Variants in ANO10 observed in about 807,000 individuals in gnomAD.
ANO10 encodes the protein anoctamin 10.
ANO10 carries 77 observed loss-of-function variants against 74.7 expected under a neutral mutation model. The observed-to-expected ratio is 1.03, with a 90% confidence interval of 0.86 to 1.25. The LOEUF is 1.25. Among genes scored for constraint, ANO10 ranks in the 50% most tolerant of loss-of-function variants. The pLI is 0.00. For missense variants in ANO10, 721 were observed against 778.1 expected (o/e 0.93, Z 0.87); for synonymous variants, 279 against 284.9 (o/e 0.98, Z 0.21).
chr3:43,512,920 T>A (rs112579504), intron 11 of ANO10, among the ~76,000 whole-genome samples: 1 of 152,138 alleles, frequency 6.6e-6, no homozygotes, highest in South Asian at 2.1e-4. Context: ...AGACAAAGTC[T>A]CCAGGCCACA....
chr3:43,614,771 C>CTATATATATATATATATATATATA (rs61084802), intron 1 of ANO10, among the ~76,000 whole-genome samples: 22 of 52,676 alleles, frequency 4.2e-4, no homozygotes, highest in South Asian at 2.2e-3. Context: ...GAAAACTAAA[C>CTATATATATATATATATATATATA]TATATATATA....
chr3:43,626,226 G>T (rs2083489963), upstream of ANO10, among the ~76,000 whole-genome samples: 1 of 151,472 alleles, frequency 6.6e-6, no homozygotes, highest in South Asian at 2.1e-4. Context: ...GAGCCACCAT[G>T]CCTGGCCCAA....
chr3:43,580,248 AG>A, intron 5 of ANO10, 104 bp downstream of exon 5: 1 of 1,467,864 alleles, frequency 6.8e-7, no homozygotes. Flanking sequence ...ATCCCTGCCC[AG>A]TAGAGCACTA....
chr3:43,656,312 G>C (rs1208112978), intron 1 of ANO10, among the ~76,000 whole-genome samples: 1 of 152,196 alleles, frequency 6.6e-6, no homozygotes, highest in African/African-American at 2.4e-5. Flanking sequence ...CCCTGAGCTA[G>C]ACATAAAGGT....
chr3:43,660,212 C>T (rs920594017), intron 1 of ANO10, among the ~76,000 whole-genome samples: 2 of 152,052 alleles, frequency 1.3e-5, no homozygotes, highest in South Asian at 2.1e-4. Flanking sequence ...CACAACTCCT[C>T]GCCAGCAAGA....
rs1370393571 is a variant in ANO10, at chr3:43,551,522, C to CA, written c.1669-1675_1669-1674insT. ...AAGACACAGGACATTTCCATTTCCCCCAAAAGATTCCTCATGACCTTGCAA... is the reference window on the plus strand; with the variant it reads ...AAGACACAGGACATTTCCATTTCCCCACAAAAGATTCCTCATGACCTTGCAA... On this transcript the variant is annotated intron_variant, in intron 10 of 12. Transcript: ENST00000292246. 6.6e-6 allele frequency: 3 copies of CA among 457,194 alleles called. No individual in the cohort carries two copies. The East Asian group carries it at 2.1e-4, about 32-fold the overall frequency. The allele number at this position is 457,194 out of a possible 1,614,324, so 28.3% of individuals were successfully genotyped here. A position where few individuals can be genotyped will look rare whatever the true frequency, so the allele number is the denominator to read the frequency against.
In ANO10 at chr3:43,577,090, G is replaced by A. The variant is rs755615560; in HGVS notation, c.764C>T (p.Thr255Met). Residue 255 changes from threonine to methionine, a missense_variant, in exon 6 of 13, where the codon ACG becomes ATG. By Grantham distance (81) the Thr-to-Met change is moderately conservative. Transcript: ENST00000292246. Reference sequence around the variant, plus strand: ...ACGCTTCCACAGTTCCAGAATCACCGTGGACCAGATGAGGTTGAACGAGGC... The same window carrying A: ...ACGCTTCCACAGTTCCAGAATCACCATGGACCAGATGAGGTTGAACGAGGC... ...IFASFNLIWS[T>M]VILELWKRGC... 1.1e-5 allele frequency: 17 copies of A among 1,613,996 alleles called. No homozygotes were observed. Among genetic ancestry groups the A allele is most frequent in the East Asian group, 4.5e-5 (2 of 44,892 alleles).
chr3:43,394,368 A>G (rs1224156511), intron 12 of ANO10, among the ~76,000 whole-genome samples: 3 of 152,096 alleles, frequency 2.0e-5, no homozygotes, highest in African/African-American at 7.2e-5. Context: ...CCTGTCATAA[A>G]TATACCACCA....
intron 4 of ANO10, among the ~76,000 whole-genome samples, chr3:43,586,889 G>A (rs567968272): frequency 2.0e-4 from 31 of 152,122 alleles, no homozygotes; most frequent in African/African-American, 6.5e-4. Flanking sequence ...AAATACAATC[G>A]GGAAACTGGC....
At chr3:43,407,783 G>A (rs975761379) in intron 12 of ANO10, among the ~76,000 whole-genome samples, 11 of 152,178 alleles carry the variant, frequency 7.2e-5, no homozygotes, top group African/African-American at 2.7e-4. Flanking sequence ...TGGACAACAG[G>A]GAACCAGCAG....
chr3:43,629,157 C>T (rs1333536106), intron 1 of ANO10, among the ~76,000 whole-genome samples: 1 of 152,168 alleles, frequency 6.6e-6, no homozygotes, highest in East Asian at 1.9e-4. Context: ...TACTCTGTCC[C>T]TTTATTTCTC....
chr3:43,390,101 G>C (rs766105152), intron 12 of ANO10, among the ~76,000 whole-genome samples: 4 of 152,194 alleles, frequency 2.6e-5, no homozygotes, highest in Non-Finnish European at 4.4e-5. Flanking sequence ...CATTCTTAGG[G>C]AAGTAGGGTC....
intron 11 of ANO10, among the ~76,000 whole-genome samples, chr3:43,547,668 C>A (rs771794830): frequency 6.6e-6 from 1 of 152,146 alleles, no homozygotes; most frequent in African/African-American, 2.4e-5. Flanking sequence ...TTAAGTGAAT[C>A]GAGTGAGGAT....
At chr3:43,472,510 A>T (rs933755508) in intron 11 of ANO10, 1 of 151,724 alleles carries the variant, frequency 6.6e-6, no homozygotes, top group African/African-American at 2.4e-5. Flanking sequence ...GAGTTATCTC[A>T]GTTGATCGTT....
At chr3:43,604,567 T>C (rs962059456) in intron 2 of ANO10, among the ~76,000 whole-genome samples, 3 of 152,122 alleles carry the variant, frequency 2.0e-5, no homozygotes, top group African/African-American at 4.8e-5. Context: ...TTTATTATTA[T>C]TGTCAATTTA....
intron 12 of ANO10, 55 bp downstream of exon 12, chr3:43,432,556 T>C: frequency 1.4e-6 from 2 of 1,390,056 alleles, no homozygotes; most frequent in Middle Eastern, 1.8e-4. Context: ...TTCTGAATTA[T>C]TTTTCCTGTC....
chr3:43,431,784 C>T (rs552159337), intron 12 of ANO10, among the ~76,000 whole-genome samples: 11 of 152,156 alleles, frequency 7.2e-5, no homozygotes, highest in South Asian at 2.1e-4. Flanking sequence ...TTCTCCTGTC[C>T]GGCGCACTAC....
chr3:43,448,200 G>A, intron 11 of ANO10, among the ~76,000 whole-genome samples: 1 of 152,116 alleles, frequency 6.6e-6, no homozygotes, highest in Non-Finnish European at 1.5e-5. Flanking sequence ...ATGCCATTTA[G>A]GCCACTTGGT....
At chr3:43,486,740 C>T (rs1280065015) in intron 11 of ANO10, among the ~76,000 whole-genome samples, 5 of 151,842 alleles carry the variant, frequency 3.3e-5, no homozygotes, top group African/African-American at 4.9e-5. Context: ...ACAATCATGT[C>T]GTCTGCAAAC....
Sources: gnomAD v4.1 joint callset for allele counts (sites outside exome capture counted in the v4.1 genomes callset) on GRCh38, gnomAD v4.1.1 for gene constraint, MANE v1.5 for transcripts, NCBI Gene and HGNC (gene_info 2026-07-23, HGNC 2026-07-21) for gene names.